The following AHCYL2 variants were observed in gnomAD, a reference collection of about 807,000 sequenced individuals.
AHCYL2 encodes the protein adenosylhomocysteinase like 2.
A neutral mutation model predicts 81.4 loss-of-function variants in AHCYL2; 28 were observed. That is an observed-to-expected ratio of 0.34 (90% CI 0.25 to 0.47). The LOEUF (loss-of-function observed/expected upper bound fraction) is 0.47, where lower values mean the gene tolerates loss of function less well. Ranked by LOEUF, AHCYL2 falls within the 20% of genes least tolerant of loss-of-function variation. The probability of loss-of-function intolerance (pLI) is 1.00; values close to 1 mark genes in which losing one functional copy is unlikely to be tolerated. For synonymous variants in AHCYL2, 272 were observed against 290.2 expected, an observed-to-expected ratio of 0.94 and a Z score of 0.64; for missense variants, 551 against 785.1, an observed-to-expected ratio of 0.70 and a Z score of 3.56.
intron 7 of AHCYL2, among the ~76,000 whole-genome samples, chr7:129,403,860 CAAAAAAAAAAAAAA>C (rs34806455): frequency 2.2e-4 from 18 of 80,218 alleles, no homozygotes; most frequent in South Asian, 7.8e-4. Context: ...GACTCCATCT[CAAAAAAAAAAAAAA>C]AAAAAAAAAA....
chr7:129,250,835 A>G (rs564905878), intron 1 of AHCYL2, among the ~76,000 whole-genome samples: 1 of 152,152 alleles, frequency 6.6e-6, no homozygotes, highest in Non-Finnish European at 1.5e-5. Context: ...GAATGGAGCA[A>G]CCCTTATGAT....
intron 1 of AHCYL2, among the ~76,000 whole-genome samples, chr7:129,230,664 C>G (rs1438386300): frequency 5.3e-5 from 8 of 151,212 alleles, no homozygotes; most frequent in Admixed American, 6.6e-5. Context: ...CTTCTGCCTC[C>G]CGGGTTCAAG....
intron 1 of AHCYL2, among the ~76,000 whole-genome samples, chr7:129,326,789 A>C: frequency 6.6e-6 from 1 of 152,164 alleles, no homozygotes. Context: ...AGAGAAACCG[A>C]GGGTAGCTAG....
intron 1 of AHCYL2, among the ~76,000 whole-genome samples, chr7:129,227,961 G>A (rs1391609175): frequency 6.6e-6 from 1 of 152,156 alleles, no homozygotes; most frequent in Admixed American, 6.6e-5. Context: ...ATATTGAATT[G>A]GCTAAATCAA....
In AHCYL2 at chr7:129,318,799, T is replaced by A. The variant is rs992047298; in HGVS notation, c.364-60839T>A. Reference sequence around the variant, plus strand: ...AAGAATAGACTGTATTTTTTTTTTTTAATTTCAGTAAGTTTTGGGGGAACA... The same window carrying A: ...AAGAATAGACTGTATTTTTTTTTTTAAATTTCAGTAAGTTTTGGGGGAACA... On this transcript the variant is annotated intron_variant, in intron 1 of 16. Transcript: ENST00000325006. Among the ~76,000 whole-genome samples, 7 of 151,782 alleles carry A rather than the reference T, an allele frequency of 4.6e-5. No individual in the cohort carries two copies. In the East Asian group the frequency reaches 5.8e-4, roughly 13 times the overall value.
chr7:129,386,495 A>G (rs1795210730), intron 2 of AHCYL2, among the ~76,000 whole-genome samples: 1 of 152,110 alleles, frequency 6.6e-6, no homozygotes, highest in Non-Finnish European at 1.5e-5. Context: ...GAAAACAAAT[A>G]CATTTTGGCT....
Position 129,258,230 on chromosome 7 carries a change from ATTT to A in AHCYL2, c.363+32804_363+32806del, listed in dbSNP as rs11379395. Reference sequence around the variant, plus strand: ...AAGTAAATCAGATTCACAGTTCTCAATTTTTTTTTTTTTTTGCCTTTAAAAGGA... The same window carrying A: ...AAGTAAATCAGATTCACAGTTCTCAATTTTTTTTTTTTGCCTTTAAAAGGA... On this transcript the variant is annotated intron_variant, in intron 1 of 16. Transcript: ENST00000325006. Among the ~76,000 whole-genome samples the A allele has an allele frequency of 7.6e-5, 10 of 131,938 alleles. No individual in the cohort carries two copies. In the East Asian group the frequency reaches 2.1e-3, roughly 27 times the overall value. The allele number at this position is 131,938 out of a possible 152,430, so 86.6% of individuals were successfully genotyped here.
Position 129,405,176 on chromosome 7 carries a change from G to C in AHCYL2, c.1105G>C (p.Asp369His). The change falls in exon 8 of 17, where the codon GAC (aspartate) becomes CAC (histidine). Residue 369 changes from aspartate (D) to histidine (H), a missense_variant. Asp to His is a moderately conservative substitution (Grantham distance 81, BLOSUM62 -1). Transcript: ENST00000325006. Reference protein sequence around the residue: ...VNDSVTKQKFDNLYCCRESIL... With the variant: ...VNDSVTKQKFHNLYCCRESIL... ...TGACTCAGTCACCAAACAGAAATTT[G>C]ACAACCTCTACTGTTGCCGTGAATC... 1 of 1,609,666 alleles carries C rather than the reference G, an allele frequency of 6.2e-7. No individual in the cohort carries two copies. Among genetic ancestry groups the C allele is most frequent in the Non-Finnish European group, 8.5e-7 (1 of 1,178,146 alleles).
chr7:129,318,611 C>T (rs959469561), intron 1 of AHCYL2, among the ~76,000 whole-genome samples: 6 of 152,182 alleles, frequency 3.9e-5, no homozygotes, highest in African/African-American at 1.4e-4. Flanking sequence ...ATAAACTCGT[C>T]TCCATACCTC....
Position 129,406,306 on chromosome 7 carries a change from C to T in AHCYL2, c.1207-72C>T. ...CTCGGGGGTGGAAAGAGGGGGTGCACTTTACCAGAAGCTTTGAGAAATGGT... is the reference window on the plus strand; with the variant it reads ...CTCGGGGGTGGAAAGAGGGGGTGCATTTTACCAGAAGCTTTGAGAAATGGT... On this transcript the variant is annotated intron_variant, in intron 9 of 16. Coordinates refer to ENST00000325006, the MANE Select transcript of AHCYL2 (RefSeq NM_015328.4). This position sits in a 1 kb window ranked among gnomAD's most constrained non-coding sequence, Gnocchi z 4.3. The T allele has an allele frequency of 7.0e-7, 1 of 1,434,260 alleles. No individual in the cohort carries two copies. The highest frequency in any genetic ancestry group is 9.8e-7 in the Non-Finnish European group (1 of 1,020,628). The allele number at this position is 1,434,260 out of a possible 1,614,324, so 88.8% of individuals were successfully genotyped here.
chr7:129,340,578 A>AG (rs1793143761), intron 1 of AHCYL2, among the ~76,000 whole-genome samples: 1 of 151,810 alleles, frequency 6.6e-6, no homozygotes, highest in African/African-American at 2.4e-5. Flanking sequence ...AAAAAAAAAA[A>AG]AAAAAAATTT....
intron 1 of AHCYL2, among the ~76,000 whole-genome samples, chr7:129,257,044 G>A (rs13236334): frequency 0.025 from 3,749 of 152,182 alleles, 76 homozygotes; most frequent in Admixed American, 0.057. Context: ...AGTTGCAGAG[G>A]CATAGACTGA....
At chr7:129,391,214 C>A (rs1230021382) in intron 4 of AHCYL2, among the ~76,000 whole-genome samples, 5 of 152,126 alleles carry the variant, frequency 3.3e-5, no homozygotes, top group African/African-American at 7.2e-5. Context: ...AAATAGTAAA[C>A]AACTTTTTGT....
chr7:129,227,842 T>A (rs1395672647), intron 1 of AHCYL2, among the ~76,000 whole-genome samples: 1 of 152,138 alleles, frequency 6.6e-6, no homozygotes, highest in Non-Finnish European at 1.5e-5. Context: ...AAAAACAACT[T>A]CTCTGCTGAA....
At chr7:129,276,709 A>C (rs1229101121) in intron 1 of AHCYL2, among the ~76,000 whole-genome samples, 5 of 144,780 alleles carry the variant, frequency 3.5e-5, no homozygotes, top group Non-Finnish European at 7.5e-5. Flanking sequence ...AGATCATGCC[A>C]CTGCACTCCA....
intron 1 of AHCYL2, among the ~76,000 whole-genome samples, chr7:129,310,091 A>G (rs1797599242): frequency 6.6e-6 from 1 of 152,160 alleles, no homozygotes; most frequent in Non-Finnish European, 1.5e-5. Context: ...GTCTAAATAT[A>G]TGATTCTTGA....
intron 5 of AHCYL2, among the ~76,000 whole-genome samples, chr7:129,398,165 T>C (rs1260972964): frequency 2.0e-5 from 3 of 151,862 alleles, no homozygotes; most frequent in Non-Finnish European, 4.4e-5. Context: ...TGTGCCACCA[T>C]GCCCAGCTAA....
At chr7:129,324,088 G>T (rs538230845) in intron 1 of AHCYL2, among the ~76,000 whole-genome samples, 1 of 151,980 alleles carries the variant, frequency 6.6e-6, no homozygotes. Context: ...TGTAGATGTT[G>T]GCCAGGATGG....
chr7:129,337,354 A>C (rs1293230030), intron 1 of AHCYL2, among the ~76,000 whole-genome samples: 1 of 152,008 alleles, frequency 6.6e-6, no homozygotes, highest in Non-Finnish European at 1.5e-5. Context: ...TGTCTTAACT[A>C]TAGAGGATTC....
Sources: gnomAD v4.1 joint callset for allele counts (sites outside exome capture counted in the v4.1 genomes callset) on GRCh38, gnomAD v4.1.1 for gene constraint, Gnocchi (gnomAD v3.1) non-coding constraint, MANE v1.5 for transcripts, NCBI Gene and HGNC (gene_info 2026-07-23, HGNC 2026-07-21) for gene names.